The following SORCS1 variants were observed in gnomAD, a reference collection of about 807,000 sequenced individuals.
The protein encoded by SORCS1 is sortilin related VPS10 domain containing receptor 1.
A neutral mutation model predicts 146.1 loss-of-function variants in SORCS1; 60 were observed. That is an observed-to-expected ratio of 0.41 (90% confidence interval 0.33 to 0.51). SORCS1 has a LOEUF of 0.51. Among genes scored for constraint, SORCS1 ranks in the 20% least tolerant of loss-of-function variants. The probability of loss-of-function intolerance (pLI) is 0.21; values close to 1 mark genes in which losing one functional copy is unlikely to be tolerated. For synonymous variants in SORCS1, 637 were observed against 584.0 expected, an observed-to-expected ratio of 1.09 and a Z score of -1.31; for missense variants, 1,352 against 1,487.6, an observed-to-expected ratio of 0.91 and a Z score of 1.50.
chr10:107,127,986 C>CAGAT (rs1407342228), intron 1 of SORCS1, among the ~76,000 whole-genome samples: 7 of 152,220 alleles, frequency 4.6e-5, no homozygotes, highest in African/African-American at 1.7e-4. Context: ...AGCTATTTCA[C>CAGAT]AGATAGAATA....
chr10:107,038,386 T>C (rs1958997253), intron 1 of SORCS1, among the ~76,000 whole-genome samples: 1 of 90,164 alleles, frequency 1.1e-5, no homozygotes, highest in African/African-American at 4.0e-5. Flanking sequence ...GACAGAGGAC[T>C]GTCGTGGGGT....
At position 106,834,267 on chromosome 10, in the gene SORCS1, G is replaced by A. The variant is rs536150045; in HGVS notation, c.627-4594C>T. 3.3e-5 allele frequency among the ~76,000 whole-genome samples: 5 copies of A among 152,302 alleles called. No homozygotes were observed. In the South Asian group the frequency reaches 8.3e-4, roughly 25 times the overall value. Reference sequence around the variant, plus strand: ...TAGGCAGCAGACTGGCTTGTGAGCCGATATGCTGGTTAAATATTTTAACTA... The same window carrying A: ...TAGGCAGCAGACTGGCTTGTGAGCCAATATGCTGGTTAAATATTTTAACTA... On this transcript the variant is annotated intron_variant, in intron 2 of 25. Transcript: ENST00000263054.
At position 106,843,452 on chromosome 10, in the gene SORCS1, T is replaced by C. The variant is rs1332338012; in HGVS notation, c.627-13779A>G. On this transcript the variant is annotated intron_variant, in intron 2 of 25. Transcript: ENST00000263054. Reference sequence around the variant, plus strand: ...TCCTTTTTTTTTTTTTTTTTTGTGATGGAGTCTCGCTCTGTTGCTCAGGCT... The same window carrying C: ...TCCTTTTTTTTTTTTTTTTTTGTGACGGAGTCTCGCTCTGTTGCTCAGGCT... Among the ~76,000 whole-genome samples the C allele has an allele frequency of 5.3e-4, 62 of 115,950 alleles. 2 individuals carry two copies. Among genetic ancestry groups the C allele is most frequent in the Non-Finnish European group, 7.7e-4 (43 of 55,754 alleles). 76.1% of individuals were successfully genotyped at this position (115,950 alleles called of 152,430 possible). A position where few individuals can be genotyped will look rare whatever the true frequency, so the allele number is the denominator to read the frequency against.
At chr10:106,699,454 C>A in intron 8 of SORCS1, 61 bp from the exon 9 acceptor site, 1 of 1,466,156 alleles carries the variant, frequency 6.8e-7, no homozygotes, top group South Asian at 1.4e-5. Flanking sequence ...ACCTGGCAGG[C>A]ATCCAAAGAG....
chr10:106,967,923 T>A (rs1327819887), intron 1 of SORCS1, among the ~76,000 whole-genome samples: 1 of 149,172 alleles, frequency 6.7e-6, no homozygotes, highest in African/African-American at 2.5e-5. Flanking sequence ...AGACAAAAAA[T>A]GCCGGGTGTG....
At chr10:107,032,305 T>A (rs1283010337) in intron 1 of SORCS1, among the ~76,000 whole-genome samples, 1 of 152,214 alleles carries the variant, frequency 6.6e-6, no homozygotes, top group Admixed American at 6.5e-5. Context: ...TAAAGAGGCA[T>A]GGCATGGATC....
intron 1 of SORCS1, among the ~76,000 whole-genome samples, chr10:107,068,924 G>A (rs946670771): frequency 2.0e-5 from 3 of 151,658 alleles, no homozygotes; most frequent in Admixed American, 6.6e-5. Context: ...TGGGGTGGAG[G>A]GAGGCATCGC....
intron 3 of SORCS1, among the ~76,000 whole-genome samples, chr10:106,816,839 C>T (rs778864108): frequency 3.9e-5 from 6 of 152,074 alleles, no homozygotes; most frequent in African/African-American, 9.7e-5. Flanking sequence ...CAAGCACTGG[C>T]GCTGCAGGGG....
At chr10:106,659,822 C>G (rs1186728441) in intron 17 of SORCS1, among the ~76,000 whole-genome samples, 1 of 152,162 alleles carries the variant, frequency 6.6e-6, no homozygotes, top group East Asian at 1.9e-4. Flanking sequence ...CCTTTTCCTT[C>G]ATTTCCCAAC....
At chr10:106,978,422 T>G (rs540743507) in intron 1 of SORCS1, among the ~76,000 whole-genome samples, 2 of 152,176 alleles carry the variant, frequency 1.3e-5, no homozygotes, top group Admixed American at 6.5e-5. Flanking sequence ...AGCACAGAGG[T>G]GACACATACA....
chr10:106,594,771 C>T (rs1485229629), intron 24 of SORCS1, among the ~76,000 whole-genome samples: 1 of 152,176 alleles, frequency 6.6e-6, no homozygotes, highest in Non-Finnish European at 1.5e-5. Flanking sequence ...GAAGGATAGA[C>T]AAGTTGGCCA....
rs368672445 is a variant in SORCS1, at chr10:106,730,976, C to G, written c.960-862G>C. 1.6e-4 allele frequency among the ~76,000 whole-genome samples: 24 copies of G among 152,044 alleles called. No homozygotes were observed. The East Asian group carries it at 2.3e-3, about 15-fold the overall frequency. ...TCTGCCTGCCCCCAGCCACTCAGCC[C>G]AGCCACTCAATCAAGGCTAGAAAAT... On this transcript the variant is annotated intron_variant, in intron 5 of 25. Coordinates refer to ENST00000263054, the MANE Select transcript of SORCS1 (RefSeq NM_052918.5).
intron 1 of SORCS1, among the ~76,000 whole-genome samples, chr10:107,025,159 G>C (rs1958343792): frequency 1.3e-5 from 2 of 152,174 alleles, no homozygotes; most frequent in Admixed American, 1.3e-4. Flanking sequence ...TTATAAATGG[G>C]TTGCTTAGGT....
intron 5 of SORCS1, among the ~76,000 whole-genome samples, chr10:106,745,279 G>A (rs1047062810): frequency 2.0e-5 from 3 of 152,108 alleles, no homozygotes; most frequent in Admixed American, 2.0e-4. Flanking sequence ...GGGCATGGTG[G>A]CAGGTGCCTG....
At chr10:106,788,705 A>G (rs1946174813) in intron 3 of SORCS1, among the ~76,000 whole-genome samples, 1 of 152,136 alleles carries the variant, frequency 6.6e-6, no homozygotes, top group Non-Finnish European at 1.5e-5. Context: ...TTTGCAGGGT[A>G]CGGCACCCCT....
chr10:106,644,724 C>T (rs1002057053), intron 18 of SORCS1, among the ~76,000 whole-genome samples: 9 of 152,162 alleles, frequency 5.9e-5, no homozygotes, highest in African/African-American at 1.9e-4. Flanking sequence ...AATAATGCAA[C>T]ATATATTCTT....
intron 3 of SORCS1, among the ~76,000 whole-genome samples, chr10:106,790,448 T>C (rs1946264957): frequency 6.6e-6 from 1 of 152,054 alleles, no homozygotes. Context: ...AGGGAAGAAA[T>C]GTAATCGTGT....
At chr10:106,635,892 T>A (rs1848697855) in intron 18 of SORCS1, among the ~76,000 whole-genome samples, 1 of 152,150 alleles carries the variant, frequency 6.6e-6, no homozygotes, top group South Asian at 2.1e-4. Flanking sequence ...TAAGGATATT[T>A]AGGCAGAGTA....
At chr10:106,819,932 T>C (rs1178306616) in intron 3 of SORCS1, among the ~76,000 whole-genome samples, 1 of 152,238 alleles carries the variant, frequency 6.6e-6, no homozygotes, top group Non-Finnish European at 1.5e-5. Context: ...TCTGTCTTCA[T>C]TGTGCTCTTT....
Sources: gnomAD v4.1 joint callset for allele counts (sites outside exome capture counted in the v4.1 genomes callset) on GRCh38, gnomAD v4.1.1 for gene constraint, MANE v1.5 for transcripts, NCBI Gene and HGNC (gene_info 2026-07-23, HGNC 2026-07-21) for gene names.